Variants in CACNA1H observed in about 807,000 individuals in gnomAD.
CACNA1H encodes voltage-dependent T-type calcium channel subunit alpha-1H.
In CACNA1H, 149 loss-of-function variants were observed where a neutral mutation model predicts 192.5. The observed-to-expected ratio is 0.77, with a 90% confidence interval of 0.68 to 0.89. CACNA1H has a LOEUF of 0.89. Ranked by LOEUF, CACNA1H falls within the 40% of genes least tolerant of loss-of-function variation. The probability of loss-of-function intolerance (pLI) is 0.00; values close to 1 mark genes in which losing one functional copy is unlikely to be tolerated. For synonymous variants in CACNA1H, 2,202 were observed against 1,475.2 expected (o/e 1.49, Z -11.29); for missense variants, 4,257 against 3,423.5 (o/e 1.24, Z -6.08).
At position 1,161,014 on chromosome 16, in the gene CACNA1H, G is replaced by A. The variant is rs566394598; in HGVS notation, c.299+6978G>A. On this transcript the variant is annotated intron_variant, in intron 2 of 34. Coordinates refer to ENST00000348261, the MANE Select transcript of CACNA1H (RefSeq NM_021098.3). ...AGGGAGAGGATCCGGAGGCCCCCACGCTGCCTCGGGGTGAAGAGGCTCCTC... is the reference window on the plus strand; with the variant it reads ...AGGGAGAGGATCCGGAGGCCCCCACACTGCCTCGGGGTGAAGAGGCTCCTC... Among the ~76,000 whole-genome samples, 77 of 152,240 alleles carry A rather than the reference G, an allele frequency of 5.1e-4. 2 individuals are homozygous for A. The South Asian group carries it at 7.0e-3, about 14-fold the overall frequency.
Position 1,218,384 on chromosome 16 carries a change from G to T in CACNA1H, c.5620G>T (p.Ala1874Ser), listed in dbSNP as rs767241676. The T allele has an allele frequency of 1.9e-6, 3 of 1,560,788 alleles. No individual in the cohort carries two copies. Residue 1874 changes from alanine (A) to serine (S), a missense_variant, in exon 33 of 35, where the codon GCG becomes TCG. Ala to Ser is a moderately conservative substitution (Grantham distance 99). Coordinates refer to ENST00000348261, the MANE Select transcript of CACNA1H (RefSeq NM_021098.3). The part of the protein sequence containing the change: ...EESNKEARED[A>S]ELDAEIELEM... The stretch of plus-strand genomic sequence containing the variant: ...GAGCAACAAGGAGGCACGGGAGGAT[G>T]CGGAGCTGGACGCCGAGATCGAGCT...
intron 10 of CACNA1H, 108 bp downstream of exon 10, chr16:1,204,566 T>C: frequency 1.2e-6 from 1 of 864,246 alleles, no homozygotes; most frequent in Non-Finnish European, 1.8e-6. Flanking sequence ...GGTAGGACGG[T>C]CAGGCAGGGC....
At position 1,194,963 on chromosome 16, in the gene CACNA1H, C is replaced by T. The variant is rs546397615; in HGVS notation, c.300-9C>T. ...CCGCGCCGGTGTGCTCCTTAACCCGCGGCGACACATGGTTCGAGCACGTGA... is the reference window on the plus strand; with the variant it reads ...CCGCGCCGGTGTGCTCCTTAACCCGTGGCGACACATGGTTCGAGCACGTGA... On this transcript the variant is annotated splice_polypyrimidine_tract_variant and intron_variant, in intron 2 of 34. Coordinates refer to ENST00000348261, the MANE Select transcript of CACNA1H (RefSeq NM_021098.3). 1.1e-5 allele frequency: 18 copies of T among 1,602,894 alleles called. No homozygotes were observed. The highest frequency in any genetic ancestry group is 8.0e-5 in the African/African-American group (6 of 74,826).
At position 1,194,525 on chromosome 16, in the gene CACNA1H, C is replaced by T. The variant is rs564863440; in HGVS notation, c.300-447C>T. ...TCCGGTGGGTTGCATGGCGGTGCCC[C>T]GACATTCCCCCTGCCCTGGGGCCCT... On this transcript the variant is annotated intron_variant, in intron 2 of 34. Coordinates refer to ENST00000348261, the MANE Select transcript of CACNA1H (RefSeq NM_021098.3). Among the ~76,000 whole-genome samples the T allele has an allele frequency of 1.1e-3, 173 of 152,282 alleles. 1 individual carries two copies. The highest frequency in any genetic ancestry group is 2.0e-3 in the Non-Finnish European group (134 of 67,978).
chr16:1,210,544 G>T, intron 19 of CACNA1H, 39 bp from the exon 20 acceptor site: 1 of 1,610,470 alleles, frequency 6.2e-7, no homozygotes, highest in Non-Finnish European at 8.5e-7. Flanking sequence ...CCAGGGAGGG[G>T]TGGAGTGGAC....
At position 1,167,259 on chromosome 16, in the gene CACNA1H, C is replaced by T. The variant is rs1963884734; in HGVS notation, c.299+13223C>T. On this transcript the variant is annotated intron_variant, in intron 2 of 34. Transcript: ENST00000348261. This position sits in a 1 kb window ranked among gnomAD's most constrained non-coding sequence, Gnocchi z 4.2. ...GGGGTATGGGCCTCCTGTCAGCAGCCCGTCCCGGTGGGTGGGGCTTGCCGG... is the reference window on the plus strand; with the variant it reads ...GGGGTATGGGCCTCCTGTCAGCAGCTCGTCCCGGTGGGTGGGGCTTGCCGG... Among the ~76,000 whole-genome samples the T allele has an allele frequency of 6.6e-6, 1 of 152,172 alleles. No homozygotes were observed. The highest frequency in any genetic ancestry group is 6.5e-5 in the Admixed American group (1 of 15,284).
chr16:1,217,520 C>T (rs1284466472), intron 31 of CACNA1H, among the ~76,000 whole-genome samples: 1 of 152,154 alleles, frequency 6.6e-6, no homozygotes, highest in East Asian at 1.9e-4. Flanking sequence ...CAGCCCAGTC[C>T]CTGCAGGGCC....
chr16:1,209,856 C>T (rs1047253832), intron 17 of CACNA1H, among the ~76,000 whole-genome samples, 179 bp from the exon 18 acceptor site: 13 of 152,196 alleles, frequency 8.5e-5, no homozygotes, highest in African/African-American at 2.4e-4. Flanking sequence ...AAGGGGGAGG[C>T]TCCACGGTAT....
rs1296522093 is a variant in CACNA1H at position 1,195,439 on chromosome 16, A to G, written c.419A>G (p.Asp140Gly). The G allele has an allele frequency of 6.4e-7, 1 of 1,553,808 alleles. No homozygotes were observed. Among genetic ancestry groups the G allele is most frequent in the Non-Finnish European group, 8.7e-7 (1 of 1,148,248 alleles). ...TGATGCCTCCTCCCGCAGGCCTTTG[A>G]CGCCTTCATTTTCGCCTTTTTTGCG... is the stretch of plus-strand genomic sequence containing the variant. ...SERCNILEAF[D>G]AFIFAFFAVE... Residue 140 changes from aspartate (D) to glycine (G), a missense_variant, in exon 4 of 35, where the codon GAC becomes GGC. Transcript: ENST00000348261.
intron 2 of CACNA1H, among the ~76,000 whole-genome samples, chr16:1,164,024 T>C (rs974299458): frequency 6.6e-6 from 1 of 152,104 alleles, no homozygotes; most frequent in Non-Finnish European, 1.5e-5. Flanking sequence ...GGGTGCGGCC[T>C]GTTGGTGCTG....
Position 1,215,293 on chromosome 16 carries a change from G to T in CACNA1H, c.5091G>T (p.Thr1697=), listed in dbSNP as rs779699766. The T allele has an allele frequency of 1.2e-6, 2 of 1,609,584 alleles. No individual in the cohort carries two copies. The highest frequency in any genetic ancestry group is 1.7e-6 in the Non-Finnish European group (2 of 1,178,440). Residue 1697 remains threonine (T), a synonymous_variant, in exon 29 of 35, where the codon ACG becomes ACT. Transcript: ENST00000348261. ...TGCTGCTGTCACTCATGGGCATCAC[G>T]CTGGAGGAGATAGAGATGAGCGCCG... ...AIVLLSLMGI[T]LEEIEMSAAL... is the part of the protein sequence containing the mutation.
At chr16:1,191,333 G>C (rs1486798345) in intron 2 of CACNA1H, among the ~76,000 whole-genome samples, 1 of 117,500 alleles carries the variant, frequency 8.5e-6, no homozygotes, top group East Asian at 2.5e-4. Flanking sequence ...TGTGGCCTCC[G>C]GCACACTCGG....
In CACNA1H at chr16:1,220,543, C is replaced by G; in HGVS notation, c.6611C>G (p.Ala2204Gly). The G allele has an allele frequency of 6.5e-7, 1 of 1,530,478 alleles. No individual in the cohort carries two copies. The allele number at this position is 1,530,478 out of a possible 1,614,324, so 94.8% of individuals were successfully genotyped here. Residue 2204 changes from alanine (A) to glycine (G), a missense_variant, in exon 35 of 35, where the codon GCG becomes GGG. By Grantham distance (60) the Ala-to-Gly change is moderately conservative (BLOSUM62 0). Transcript: ENST00000348261. ...VEPPAEDEGS[A>G]RPSAAEGGST... ...CCCCCTGCGGAGGACGAGGGCTCTG[C>G]GCGGCCCTCCGCGGCAGAGGGCGGC...
chr16:1,214,011 G>C, intron 27 of CACNA1H, 80 bp downstream of exon 27: 1 of 1,257,780 alleles, frequency 8.0e-7, no homozygotes, highest in Non-Finnish European at 1.1e-6. Flanking sequence ...CACAACCCTG[G>C]ACCGGCGCTC....
chr16:1,209,987 C>G, intron 17 of CACNA1H, 48 bp from the exon 18 acceptor site: 1 of 1,423,594 alleles, frequency 7.0e-7, no homozygotes, highest in Non-Finnish European at 9.6e-7. Context: ...TGATGGGGGG[C>G]CGGGCAGGCA....
In CACNA1H at chr16:1,211,305, C is replaced by A; in HGVS notation, c.4350+11C>A. On this transcript the variant is annotated intron_variant, in intron 22 of 34. Coordinates refer to ENST00000348261, the MANE Select transcript of CACNA1H (RefSeq NM_021098.3). ...ATTTTGGGTGTGCAGGTGTGTGGCC[C>A]CCACGTGCCCGGGGGTCTGCCCCGT... is the stretch of plus-strand genomic sequence containing the variant. The A allele has an allele frequency of 2.5e-6, 4 of 1,612,790 alleles. No individual in the cohort carries two copies. The highest frequency in any genetic ancestry group is 3.4e-6 in the Non-Finnish European group (4 of 1,179,646).
chr16:1,186,660 C>T (rs1385684187), intron 2 of CACNA1H, among the ~76,000 whole-genome samples: 2 of 152,164 alleles, frequency 1.3e-5, no homozygotes, highest in Non-Finnish European at 2.9e-5. Flanking sequence ...GCTCCTCCTG[C>T]CCCGTGTGCC....
chr16:1,194,944 C>A (rs961680736), intron 2 of CACNA1H, 28 bp from the exon 3 acceptor site: 1 of 1,548,672 alleles, frequency 6.5e-7, no homozygotes, highest in Non-Finnish European at 8.9e-7. Context: ...CGGGCCGCGC[C>A]GGTGTGCTCC....
In CACNA1H at chr16:1,209,342, C is replaced by T. The variant is rs750266820; in HGVS notation, c.3674C>T (p.Pro1225Leu). 1.3e-6 allele frequency: 2 copies of T among 1,598,016 alleles called. No homozygotes were observed. Among genetic ancestry groups the T allele is most frequent in the Admixed American group, 3.3e-5 (2 of 59,988 alleles). Residue 1225 changes from proline (P) to leucine (L), a missense_variant, in exon 17 of 35, where the codon CCC becomes CTC. Physicochemically the swap from Pro to Leu is moderately conservative, Grantham distance 98 (BLOSUM62 -3). Coordinates refer to ENST00000348261, the MANE Select transcript of CACNA1H (RefSeq NM_021098.3). Reference sequence around the variant, plus strand: ...CGCGACGGGCAGGTGGTGGCCCTGCCCAGCGACTTCTTCCTGCGCATCGAC... The same window carrying T: ...CGCGACGGGCAGGTGGTGGCCCTGCTCAGCGACTTCTTCCTGCGCATCGAC... ...RDRDGQVVALPSDFFLRIDSH... is the reference protein window; with the variant it reads ...RDRDGQVVALLSDFFLRIDSH...
Sources: allele counts gnomAD v4.1 joint callset (sites outside exome capture counted in the v4.1 genomes callset), GRCh38; gene constraint gnomAD v4.1.1; non-coding constraint Gnocchi (gnomAD v3.1); transcripts MANE v1.5; gene names NCBI Gene and HGNC (gene_info 2026-07-23, HGNC 2026-07-21).